PXMP2: variants seen among roughly 807,000 people sequenced by gnomAD.
The protein encoded by PXMP2 is 22 kDa peroxisomal membrane protein.
Under a neutral mutation model 20.2 loss-of-function variants are expected in PXMP2, and 13 were observed. The observed-to-expected ratio is 0.64, with a 90% CI of 0.42 to 1.02. The LOEUF (loss-of-function observed/expected upper bound fraction) is 1.02, where lower values mean the gene tolerates loss of function less well. PXMP2 is among the 50% of genes least tolerant of loss of function. The pLI is 0.00. For synonymous variants in PXMP2, 113 were observed against 111.2 expected, an observed-to-expected ratio of 1.02 and a Z score of -0.10; for missense variants, 284 against 251.8, an observed-to-expected ratio of 1.13 and a Z score of -0.87.
At position 132,704,601 on chromosome 12, in the gene PXMP2, G is replaced by A. The variant is rs756344933; in HGVS notation, c.520-18G>A. The stretch of plus-strand genomic sequence containing the variant: ...GCCTCCCGCTGACCGTGGCCTGTTG[G>A]ACTGTTCTTTTCGGCAGTTCCGGGT... On this transcript the variant is annotated intron_variant, in intron 4 of 4. Transcript: ENST00000317479. 8 of 1,432,368 alleles carry A rather than the reference G, an allele frequency of 5.6e-6. No homozygotes were observed. Among genetic ancestry groups the A allele is most frequent in the Non-Finnish European group, 7.4e-6 (8 of 1,086,766 alleles). 88.7% of individuals were successfully genotyped at this position (1,432,368 alleles called of 1,614,324 possible). A position where few individuals can be genotyped will look rare whatever the true frequency, so the allele number is the denominator to read the frequency against.
At chr12:132,695,602 G>A (rs570674770) in intron 2 of PXMP2, among the ~76,000 whole-genome samples, 2 of 152,342 alleles carry the variant, frequency 1.3e-5, no homozygotes, top group South Asian at 4.1e-4. Context: ...GTGCACACGT[G>A]CTGGGACGAC....
chr12:132,697,559 T>C (rs12370832), intron 3 of PXMP2, among the ~76,000 whole-genome samples: 75,235 of 151,546 alleles, frequency 0.5, 19,360 homozygotes, highest in Non-Finnish European at 0.57. Context: ...AGGAGCCCGC[T>C]ACCACACCCA....
intron 4 of PXMP2, among the ~76,000 whole-genome samples, chr12:132,704,055 G>A (rs1229559328): frequency 1.3e-5 from 2 of 152,154 alleles, no homozygotes; most frequent in South Asian, 2.1e-4. Flanking sequence ...GTGACTGTGC[G>A]CCATGCTGCT....
intron 4 of PXMP2, among the ~76,000 whole-genome samples, chr12:132,703,731 G>T (rs938073862): frequency 6.6e-6 from 1 of 152,228 alleles, no homozygotes; most frequent in Non-Finnish European, 1.5e-5. Context: ...GGCAGAGGGG[G>T]CTGGGGCTTG....
At position 132,704,921 on chromosome 12, in the gene PXMP2, G is replaced by C. The variant is rs930958405; in HGVS notation, c.*234G>C. 1.1e-5 allele frequency: 6 copies of C among 541,834 alleles called. No homozygotes were observed. Among genetic ancestry groups the C allele is most frequent in the South Asian group, 2.4e-5 (1 of 40,962 alleles). 33.6% of individuals were successfully genotyped at this position (541,834 alleles called of 1,614,324 possible). ...CCCCAGAAACTTAAAATTTAGTCGAGGCAGTTTCAATTGTTACTGTGGACC... is the reference window on the plus strand; with the variant it reads ...CCCCAGAAACTTAAAATTTAGTCGACGCAGTTTCAATTGTTACTGTGGACC... On this transcript the variant is annotated 3_prime_UTR_variant, in exon 5 of 5. Transcript: ENST00000317479.
Position 132,690,268 on chromosome 12 carries a change from T to TTTTGTCAGCAC in PXMP2, c.131_141dup (p.Gly48CysfsTer11), listed in dbSNP as rs761895501. ...GATGACCTCCCTCTCCACAGTGGCA[T>TTTTGTCAGCAC]TTTGTCAGCACTTGGGAACTTCCTG... is the stretch of plus-strand genomic sequence containing the variant. On this transcript the variant is annotated frameshift_variant, in exon 2 of 5. Coordinates refer to ENST00000317479, the MANE Select transcript of PXMP2 (RefSeq NM_018663.3). LOFTEE classifies it high-confidence loss of function. 3.7e-6 allele frequency: 6 copies of TTTTGTCAGCAC among 1,613,534 alleles called. No individual in the cohort carries two copies. The highest frequency in any genetic ancestry group is 4.2e-6 in the Non-Finnish European group (5 of 1,179,640).
chr12:132,687,870 C>G, intron 1 of PXMP2, 78 bp downstream of exon 1: 4 of 1,087,044 alleles, frequency 3.7e-6, no homozygotes, highest in Non-Finnish European at 4.5e-6. Context: ...ACGGGAGCGC[C>G]GGGCCGGGAC....
chr12:132,702,178 C>A (rs1017460366), intron 4 of PXMP2, among the ~76,000 whole-genome samples: 2 of 152,256 alleles, frequency 1.3e-5, no homozygotes. Context: ...AGGCACTGTG[C>A]GGCCATGGGT....
intron 2 of PXMP2, among the ~76,000 whole-genome samples, chr12:132,695,462 G>C (rs1286929714): frequency 6.6e-6 from 1 of 152,244 alleles, no homozygotes; most frequent in African/African-American, 2.4e-5. Flanking sequence ...CACTGCAGTG[G>C]ACAGAAGACG....
In PXMP2 at chr12:132,689,304, C is replaced by T. The variant is rs185737517; in HGVS notation, c.123-959C>T. Among the ~76,000 whole-genome samples, 9 of 147,818 alleles carry T rather than the reference C, an allele frequency of 6.1e-5. No homozygotes were observed. The South Asian group carries it at 1.1e-3, about 18-fold the overall frequency. On this transcript the variant is annotated intron_variant, in intron 1 of 4. Coordinates refer to ENST00000317479, the MANE Select transcript of PXMP2 (RefSeq NM_018663.3). Reference sequence around the variant, plus strand: ...CGAGTCTGCGGGGCGCGGGTCCGCACGGCGCGGGTGGAGACACGGCCAGGG... The same window carrying T: ...CGAGTCTGCGGGGCGCGGGTCCGCATGGCGCGGGTGGAGACACGGCCAGGG...
At chr12:132,697,798 G>A (rs1175402880) in intron 3 of PXMP2, among the ~76,000 whole-genome samples, 1 of 152,130 alleles carries the variant, frequency 6.6e-6, no homozygotes, top group African/African-American at 2.4e-5. Context: ...AGAAGTTTGA[G>A]ACCCCTACTG....
At chr12:132,704,077 C>T (rs567464590) in intron 4 of PXMP2, among the ~76,000 whole-genome samples, 2 of 152,242 alleles carry the variant, frequency 1.3e-5, no homozygotes, top group East Asian at 1.9e-4. Flanking sequence ...GACTCGGAGA[C>T]GCGGCGATTA....
In PXMP2 at chr12:132,690,347, C is replaced by T. The variant is rs773760010; in HGVS notation, c.207C>T (p.Val69=). The part of the protein sequence containing the change: ...RKKENSRSLD[V]GGPLRYAVYG... Reference sequence around the variant, plus strand: ...AAGAAAACTCTAGAAGTCTGGATGTCGGTGGGCCTCTGAGATATGCCGTTT... The same window carrying T: ...AAGAAAACTCTAGAAGTCTGGATGTTGGTGGGCCTCTGAGATATGCCGTTT... Residue 69 remains valine (V), a synonymous_variant, in exon 2 of 5, where the codon GTC becomes GTT. Coordinates refer to ENST00000317479, the MANE Select transcript of PXMP2 (RefSeq NM_018663.3). 23 of 1,613,750 alleles carry T rather than the reference C, an allele frequency of 1.4e-5. No individual in the cohort carries two copies. Among genetic ancestry groups the T allele is most frequent in the Middle Eastern group, 1.6e-4 (1 of 6,078 alleles).
intron 4 of PXMP2, chr12:132,701,589 A>T: frequency 1.6e-6 from 1 of 606,508 alleles, no homozygotes; most frequent in Non-Finnish European, 2.7e-6. Flanking sequence ...GGGATTCAGG[A>T]AGCAACAGAG....
At position 132,696,453 on chromosome 12, in the gene PXMP2, T is replaced by C. The variant is rs926859778; in HGVS notation, c.399+407T>C. On this transcript the variant is annotated intron_variant, in intron 3 of 4. Coordinates refer to ENST00000317479, the MANE Select transcript of PXMP2 (RefSeq NM_018663.3). The surrounding 1 kb of genome is among the most constrained non-coding windows in gnomAD (Gnocchi z 4.4). ...TTGTTACAGATATCTCGAAATATAA[T>C]TTATGCTCATTACTACTTGGACCTG... Among the ~76,000 whole-genome samples, 2 of 152,122 alleles carry C rather than the reference T, an allele frequency of 1.3e-5. No homozygotes were observed. The highest frequency in any genetic ancestry group is 4.8e-5 in the African/African-American group (2 of 41,426).
chr12:132,704,594 C>T, intron 4 of PXMP2, 25 bp from the exon 5 acceptor site: 1 of 1,404,346 alleles, frequency 7.1e-7, no homozygotes, highest in Admixed American at 2.9e-5. Context: ...CTGACCGTGG[C>T]CTGTTGGACT....
chr12:132,695,857 C>A, intron 2 of PXMP2, 27 bp from the exon 3 acceptor site: 1 of 1,583,210 alleles, frequency 6.3e-7, no homozygotes, highest in South Asian at 1.2e-5. Context: ...GAACCACAAT[C>A]TGGCTCACAC....
chr12:132,700,042 C>T (rs7308606), intron 3 of PXMP2, among the ~76,000 whole-genome samples: 71,103 of 144,054 alleles, frequency 0.49, 18,090 homozygotes, highest in Non-Finnish European at 0.57. Context: ...GTTTTTTGAC[C>T]TTTTTTTTTT....
In PXMP2 at chr12:132,704,780, C is replaced by A; in HGVS notation, c.*93C>A. 1.6e-6 allele frequency: 2 copies of A among 1,227,798 alleles called. No homozygotes were observed. The highest frequency in any genetic ancestry group is 2.4e-6 in the Non-Finnish European group (2 of 835,038). The allele number at this position is 1,227,798 out of a possible 1,614,324, so 76.1% of individuals were successfully genotyped here. A position where few individuals can be genotyped will look rare whatever the true frequency, so the allele number is the denominator to read the frequency against. On this transcript the variant is annotated 3_prime_UTR_variant, in exon 5 of 5. Coordinates refer to ENST00000317479, the MANE Select transcript of PXMP2 (RefSeq NM_018663.3). The stretch of plus-strand genomic sequence containing the variant: ...CAGAACCAATCCAGTCAGGATGTCA[C>A]TGACTCTAAATCAGGTGATTCAAGA...
Sources: allele counts gnomAD v4.1 joint callset (sites outside exome capture counted in the v4.1 genomes callset), GRCh38; gene constraint gnomAD v4.1.1; non-coding constraint Gnocchi (gnomAD v3.1); transcripts MANE v1.5; gene names NCBI Gene and HGNC (gene_info 2026-07-23, HGNC 2026-07-21).